ADAM28: variants seen among roughly 807,000 people sequenced by gnomAD.
The protein encoded by ADAM28 is disintegrin and metalloproteinase domain-containing protein 28.
A neutral mutation model predicts 101.2 loss-of-function variants in ADAM28; 105 were observed. The ratio of observed to expected loss-of-function variants is 1.04; its 90% CI spans 0.89 to 1.22. The LOEUF is 1.22. Ranked by LOEUF, ADAM28 falls within the 50% of genes most tolerant of loss-of-function variation. ADAM28 has a pLI of 0.00. For synonymous variants in ADAM28, 322 were observed against 310.6 expected (o/e 1.04, Z -0.39); for missense variants, 1,028 against 945.4 (o/e 1.09, Z -1.15).
chr8:24,306,363 A>ATAT (rs1563270503), intron 2 of ADAM28, among the ~76,000 whole-genome samples: 9 of 108,502 alleles, frequency 8.3e-5, no homozygotes, highest in Non-Finnish European at 1.7e-4. Context: ...TAAATAAATA[A>ATAT]ATATATATAT....
In ADAM28 at chr8:24,300,143, A is replaced by G. The variant is rs528242240; in HGVS notation, c.150+66A>G. Reference sequence around the variant, plus strand: ...CATATATACACACATATATATATCTATCTATGATGAGAGATAGATATGGGA... The same window carrying G: ...CATATATACACACATATATATATCTGTCTATGATGAGAGATAGATATGGGA... On this transcript the variant is annotated intron_variant, in intron 2 of 22. Coordinates refer to ENST00000265769, the MANE Select transcript of ADAM28 (RefSeq NM_014265.6). 711 of 1,278,342 alleles carry G rather than the reference A, an allele frequency of 5.6e-4. 19 individuals are homozygous for G. In the South Asian group the frequency reaches 8.7e-3, roughly 16 times the overall value. The allele number at this position is 1,278,342 out of a possible 1,614,324, so 79.2% of individuals were successfully genotyped here.
chr8:24,320,817 TAA>T (rs1258576548), intron 7 of ADAM28, among the ~76,000 whole-genome samples: 1 of 152,018 alleles, frequency 6.6e-6, no homozygotes, highest in East Asian at 1.9e-4. Flanking sequence ...TATGAAAATA[TAA>T]GTCAACCATT....
chr8:24,348,464 T>G (rs1246852791), intron 18 of ADAM28, among the ~76,000 whole-genome samples: 1 of 152,194 alleles, frequency 6.6e-6, no homozygotes, highest in Non-Finnish European at 1.5e-5. Flanking sequence ...GTTGGTTCAT[T>G]TGCCTTTCAT....
intron 2 of ADAM28, chr8:24,300,739 T>TA (rs1305236559): frequency 6.6e-6 from 1 of 152,198 alleles, no homozygotes; most frequent in East Asian, 1.9e-4. Flanking sequence ...TATGATGATT[T>TA]ATTCTACGTA....
chr8:24,312,620 AATT>A (rs751590485), intron 5 of ADAM28, among the ~76,000 whole-genome samples: 9 of 151,724 alleles, frequency 5.9e-5, no homozygotes, highest in Non-Finnish European at 7.4e-5. Flanking sequence ...TCTTCACATC[AATT>A]ATTATAATTA....
intron 2 of ADAM28, among the ~76,000 whole-genome samples, chr8:24,302,706 T>C (rs1808955224): frequency 6.6e-6 from 1 of 152,220 alleles, no homozygotes; most frequent in African/African-American, 2.4e-5. Flanking sequence ...GTTGAGCTTT[T>C]TTCATGTTTG....
rs925966639 is a variant in ADAM28, at chr8:24,322,300, G to A, written c.720+1011G>A. Among the ~76,000 whole-genome samples the A allele has an allele frequency of 4.6e-5, 7 of 151,962 alleles. No homozygotes were observed. The East Asian group carries it at 9.7e-4, about 21-fold the overall frequency. On this transcript the variant is annotated intron_variant, in intron 8 of 22. Coordinates refer to ENST00000265769, the MANE Select transcript of ADAM28 (RefSeq NM_014265.6). ...TCATTTATATAGCAGATGGGGAGGCGCAAGGTGTTTGGACAAGACTAGGTG... is the reference window on the plus strand; with the variant it reads ...TCATTTATATAGCAGATGGGGAGGCACAAGGTGTTTGGACAAGACTAGGTG...
intron 6 of ADAM28, among the ~76,000 whole-genome samples, chr8:24,318,141 T>C (rs578058500): frequency 5.9e-5 from 9 of 152,016 alleles, no homozygotes; most frequent in Non-Finnish European, 1.0e-4. Flanking sequence ...GTTTGAACAG[T>C]TGGCCACCTT....
At chr8:24,342,905 CTT>C (rs1475168102) in intron 16 of ADAM28, 194 bp from the exon 17 acceptor site, 1 of 927,280 alleles carries the variant, frequency 1.1e-6, no homozygotes, top group Non-Finnish European at 1.5e-6. Flanking sequence ...CTTAGATAGA[CTT>C]TATCAACCTT....
rs774092425 is a variant in ADAM28 at position 24,310,018 on chromosome 8, C to T, written c.227+48C>T. The T allele has an allele frequency of 2.0e-6, 3 of 1,495,914 alleles. No individual in the cohort carries two copies. The Admixed American group carries it at 5.1e-5, about 25-fold the overall frequency. The allele number at this position is 1,495,914 out of a possible 1,614,324, so 92.7% of individuals were successfully genotyped here. ...TTATCCTCAGCAAGAGCAAGGCAGC[C>T]TATGGAGAGTGTGCTGAGTCTGTTG... On this transcript the variant is annotated intron_variant, in intron 3 of 22. Coordinates refer to ENST00000265769, the MANE Select transcript of ADAM28 (RefSeq NM_014265.6).
At chr8:24,300,406 ATTTGTTTTTTGTTT>A (rs1018722650) in intron 2 of ADAM28, among the ~76,000 whole-genome samples, 1 of 151,982 alleles carries the variant, frequency 6.6e-6, no homozygotes, top group African/African-American at 2.4e-5. Context: ...AAAAGAGTAA[ATTTGTTTTTTGTTT>A]TTTGTTTTTT....
Position 24,329,977 on chromosome 8 carries a change from A to G in ADAM28, c.973-8A>G. ...TCAGAGAATCTTTTTCTTCTTTCAT[A>G]CCTTTAGGACCACAGCGATAATCTT... On this transcript the variant is annotated splice_polypyrimidine_tract_variant and splice_region_variant and intron_variant, in intron 10 of 22. Transcript: ENST00000265769. The G allele has an allele frequency of 1.3e-6, 2 of 1,599,094 alleles. No individual in the cohort carries two copies. Among genetic ancestry groups the G allele is most frequent in the Non-Finnish European group, 1.7e-6 (2 of 1,172,622 alleles).
chr8:24,306,922 A>G (rs56337914), intron 2 of ADAM28, among the ~76,000 whole-genome samples: 4,323 of 152,260 alleles, frequency 0.028, 94 homozygotes, highest in Non-Finnish European at 0.044. Flanking sequence ...GGGTTCTGCC[A>G]TATCACAGTT....
At chr8:24,336,039 G>GGTGTGTGT (rs71212527) in intron 14 of ADAM28, 2 of 852,220 alleles carry the variant, frequency 2.3e-6, no homozygotes, top group Non-Finnish European at 1.4e-6. Context: ...TGTGTGTGCG[G>GGTGTGTGT]GTGTGTGTGT....
chr8:24,331,352 G>A (rs998163775), intron 12 of ADAM28, 25 bp downstream of exon 12: 12 of 1,564,132 alleles, frequency 7.7e-6, no homozygotes, highest in East Asian at 6.9e-5. Flanking sequence ...TTTCTAAAAC[G>A]ATCTAGTTGG....
intron 21 of ADAM28, among the ~76,000 whole-genome samples, chr8:24,352,548 A>C (rs1418653390): frequency 6.6e-6 from 1 of 152,032 alleles, no homozygotes; most frequent in Non-Finnish European, 1.5e-5. Flanking sequence ...CACCCTCACG[A>C]CCTCATTATT....
intron 10 of ADAM28, among the ~76,000 whole-genome samples, chr8:24,327,979 A>G (rs2129300445): frequency 6.6e-6 from 1 of 152,228 alleles, no homozygotes; most frequent in South Asian, 2.1e-4. Flanking sequence ...AAATTAAATT[A>G]GTTTTCATTT....
chr8:24,343,743 C>T (rs1815073736), intron 18 of ADAM28, among the ~76,000 whole-genome samples, 159 bp downstream of exon 18: 1 of 152,166 alleles, frequency 6.6e-6, no homozygotes, highest in Admixed American at 6.5e-5. Flanking sequence ...CTCCTTAATA[C>T]CTTTTAATTA....
intron 14 of ADAM28, 40 bp from the exon 15 acceptor site, chr8:24,339,426 A>C (rs574356207): frequency 1.3e-6 from 2 of 1,492,938 alleles, no homozygotes; most frequent in Admixed American, 1.8e-5. Flanking sequence ...GAATCTCAAA[A>C]ATCTATTTTC....
Sources: gnomAD v4.1 joint callset for allele counts (sites outside exome capture counted in the v4.1 genomes callset) on GRCh38, gnomAD v4.1.1 for gene constraint, MANE v1.5 for transcripts, NCBI Gene and HGNC (gene_info 2026-07-23, HGNC 2026-07-21) for gene names.